RAB3IP: variants seen among roughly 807,000 people sequenced by gnomAD.
The protein encoded by RAB3IP is rab-3A-interacting protein.
A neutral mutation model predicts 59.1 loss-of-function variants in RAB3IP; 36 were observed. That is an observed-to-expected ratio of 0.61 (90% CI 0.47 to 0.80). The LOEUF (loss-of-function observed/expected upper bound fraction) is 0.80. Among genes scored for constraint, RAB3IP ranks in the 30% least tolerant of loss-of-function variants. RAB3IP has a pLI of 0.00. For synonymous variants in RAB3IP, 207 were observed against 191.2 expected (o/e 1.08, Z -0.68); for missense variants, 511 against 536.0 (o/e 0.95, Z 0.46).
At position 69,821,118 on chromosome 12, in the gene RAB3IP, G is replaced by A. The variant is rs1881696059; in HGVS notation, c.*5672G>A. ...CTGAGGTCATGAGGACTAGATTCTAGAGCTACAGGTCTCAGGGACAGTCTC... is the reference window on the plus strand; with the variant it reads ...CTGAGGTCATGAGGACTAGATTCTAAAGCTACAGGTCTCAGGGACAGTCTC... On this transcript the variant is annotated 3_prime_UTR_variant, in exon 11 of 11. Coordinates refer to ENST00000247833, the MANE Select transcript of RAB3IP (RefSeq NM_022456.5). The A allele has an allele frequency of 6.6e-6, 1 of 152,172 alleles. No homozygotes were observed. The highest frequency in any genetic ancestry group is 1.5e-5 in the Non-Finnish European group (1 of 68,064). 9.4% of individuals were successfully genotyped at this position (152,172 alleles called of 1,614,324 possible). A position where few individuals can be genotyped will look rare whatever the true frequency, so the allele number is the denominator to read the frequency against.
At chr12:69,773,484 A>C (rs1249856401) in intron 3 of RAB3IP, among the ~76,000 whole-genome samples, 1 of 125,952 alleles carries the variant, frequency 7.9e-6, no homozygotes, top group Non-Finnish European at 1.6e-5. Context: ...ATATGTATAC[A>C]TGTGCCATGC....
chr12:69,759,814 G>A (rs1200859317), intron 3 of RAB3IP, among the ~76,000 whole-genome samples: 1 of 151,818 alleles, frequency 6.6e-6, no homozygotes, highest in Non-Finnish European at 1.5e-5. Context: ...CTCCCTCCCG[G>A]ACGGGGCGGC....
intron 8 of RAB3IP, among the ~76,000 whole-genome samples, chr12:69,807,133 G>C (rs1164105433): frequency 6.6e-6 from 1 of 151,850 alleles, no homozygotes; most frequent in Non-Finnish European, 1.5e-5. Context: ...GGGGCGGCCG[G>C]GCAGAGGTGC....
intron 4 of RAB3IP, among the ~76,000 whole-genome samples, chr12:69,789,657 T>C (rs1876293467): frequency 6.6e-6 from 1 of 152,128 alleles, no homozygotes; most frequent in African/African-American, 2.4e-5. Context: ...GCCAATATTC[T>C]CAATGGACAT....
intron 1 of RAB3IP, chr12:69,739,968 T>G (rs1887139728): frequency 8.8e-7 from 1 of 1,138,036 alleles, no homozygotes; most frequent in Non-Finnish European, 1.3e-6. Context: ...GGCTACCTGT[T>G]ATACACTCTC....
chr12:69,779,421 G>T (rs556411770), intron 3 of RAB3IP, among the ~76,000 whole-genome samples: 101 of 152,096 alleles, frequency 6.6e-4, no homozygotes, highest in African/African-American at 2.3e-3. Context: ...GTTCCTATTC[G>T]GCCATCTTGG....
chr12:69,747,753 C>CT (rs1458630750), intron 1 of RAB3IP, among the ~76,000 whole-genome samples: 3 of 152,176 alleles, frequency 2.0e-5, no homozygotes, highest in Admixed American at 1.3e-4. Context: ...GGCTTTTCTT[C>CT]TAGTAGACAA....
At chr12:69,800,995 A>G (rs1043601526) in intron 7 of RAB3IP, among the ~76,000 whole-genome samples, 7 of 152,180 alleles carry the variant, frequency 4.6e-5, no homozygotes, top group African/African-American at 1.7e-4. Flanking sequence ...AACATTTTTC[A>G]CACTTTTGGT....
At chr12:69,739,315 G>A (rs1298886593) in intron 1 of RAB3IP, 1 of 152,366 alleles carries the variant, frequency 6.6e-6, no homozygotes, top group Non-Finnish European at 1.5e-5. Context: ...TGGGCGTCGG[G>A]CGGCGGCTCC....
In RAB3IP at chr12:69,784,725, GA is replaced by G; in HGVS notation, c.518del (p.Lys173SerfsTer2). ...AAATTATCAATTTCTCTTAGGAACT[GA>G]AGTTAAAAGATGAAGAATGTGAGAG... ...EELAKAQREL[K>X]LKDEECERLS... On this transcript the variant is annotated frameshift_variant, in exon 4 of 11. Coordinates refer to ENST00000247833, the MANE Select transcript of RAB3IP (RefSeq NM_022456.5). LOFTEE classifies it high-confidence loss of function. The G allele has an allele frequency of 6.3e-7, 1 of 1,595,256 alleles. No homozygotes were observed. The highest frequency in any genetic ancestry group is 8.6e-7 in the Non-Finnish European group (1 of 1,167,282).
chr12:69,794,648 A>G (rs1045502635), intron 5 of RAB3IP, 134 bp downstream of exon 5: 13 of 634,154 alleles, frequency 2.0e-5, no homozygotes, highest in South Asian at 1.6e-4. Context: ...AGAAAAATAG[A>G]AGAAAATAGC....
Position 69,802,870 on chromosome 12 carries a change from G to A in RAB3IP, c.1130+1149G>A, listed in dbSNP as rs187297349. Among the ~76,000 whole-genome samples the A allele has an allele frequency of 3.4e-4, 52 of 152,254 alleles. 1 individual carries two copies. The highest frequency in any genetic ancestry group is 7.7e-4 in the East Asian group (4 of 5,182). ...CATATGTTTGCTCTGTGAGCCACACGTCCACCTCGCTCCCTCAAGCCACAC... is the reference window on the plus strand; with the variant it reads ...CATATGTTTGCTCTGTGAGCCACACATCCACCTCGCTCCCTCAAGCCACAC... On this transcript the variant is annotated intron_variant, in intron 8 of 10. Transcript: ENST00000247833.
At chr12:69,793,634 C>T (rs1876988637) in intron 4 of RAB3IP, among the ~76,000 whole-genome samples, 1 of 152,078 alleles carries the variant, frequency 6.6e-6, no homozygotes, top group Non-Finnish European at 1.5e-5. Context: ...ATCATGTCTT[C>T]CTTAAAAAAA....
At chr12:69,797,477 CTT>C in intron 6 of RAB3IP, among the ~76,000 whole-genome samples, 2,453 of 54,924 alleles carry the variant, frequency 0.045, 52 homozygotes, top group African/African-American at 0.09. Context: ...TCTTTTCTTT[CTT>C]TTTTTTTTTT....
In RAB3IP at chr12:69,741,460, G is replaced by A. The variant is rs115332215; in HGVS notation, c.-26+2429G>A. Among the ~76,000 whole-genome samples the A allele has an allele frequency of 5.5e-3, 838 of 152,264 alleles. 4 individuals carry two copies. The highest frequency in any genetic ancestry group is 0.019 in the African/African-American group (789 of 41,544). On this transcript the variant is annotated intron_variant, in intron 1 of 10. Transcript: ENST00000247833. Reference sequence around the variant, plus strand: ...TAAAGAGCTTTGTAACTATAAGGAGGCACACAGATGACAAGTGTTACCATT... The same window carrying A: ...TAAAGAGCTTTGTAACTATAAGGAGACACACAGATGACAAGTGTTACCATT...
At chr12:69,763,826 T>C (rs555480745) in intron 3 of RAB3IP, among the ~76,000 whole-genome samples, 1 of 152,266 alleles carries the variant, frequency 6.6e-6, no homozygotes, top group South Asian at 2.1e-4. Flanking sequence ...GTACAATGTT[T>C]AGCTCCCACT....
In RAB3IP at chr12:69,815,571, T is replaced by C. The variant is rs1042931580; in HGVS notation, c.*125T>C. On this transcript the variant is annotated 3_prime_UTR_variant, in exon 11 of 11. Coordinates refer to ENST00000247833, the MANE Select transcript of RAB3IP (RefSeq NM_022456.5). ...ACTTTTTTCCCCTTTTGCAAATTGC[T>C]CTAAGAAGTACCATGATTTCTTTTA... 6 of 645,684 alleles carry C rather than the reference T, an allele frequency of 9.3e-6. No homozygotes were observed. Among genetic ancestry groups the C allele is most frequent in the Non-Finnish European group, 1.6e-5 (6 of 369,070 alleles). The allele number at this position is 645,684 out of a possible 1,614,324, so 40.0% of individuals were successfully genotyped here. A position where few individuals can be genotyped will look rare whatever the true frequency, so the allele number is the denominator to read the frequency against.
intron 6 of RAB3IP, chr12:69,796,691 CA>C: frequency 1.7e-6 from 1 of 575,086 alleles, no homozygotes. Context: ...TAACCAAATC[CA>C]AAATTCACAT....
intron 1 of RAB3IP, among the ~76,000 whole-genome samples, chr12:69,749,202 C>G (rs1268542495): frequency 6.6e-6 from 1 of 152,210 alleles, no homozygotes; most frequent in Admixed American, 6.5e-5. Context: ...GCTCCACCTC[C>G]TGTCAGATCA....
Sources: allele counts gnomAD v4.1 joint callset (sites outside exome capture counted in the v4.1 genomes callset), GRCh38; gene constraint gnomAD v4.1.1; transcripts MANE v1.5; gene names NCBI Gene and HGNC (gene_info 2026-07-23, HGNC 2026-07-21).